The following TUT4 variants were observed in gnomAD, a reference collection of about 807,000 sequenced individuals.
TUT4 encodes the protein terminal uridylyl transferase 4.
TUT4 carries 36 observed loss-of-function variants against 192.2 expected under a neutral mutation model. The observed-to-expected ratio is 0.19, with a 90% CI of 0.14 to 0.25. The LOEUF (loss-of-function observed/expected upper bound fraction) is 0.25, where lower values mean the gene tolerates loss of function less well. Ranked by LOEUF, TUT4 falls within the 10% of genes least tolerant of loss-of-function variation. TUT4 has a pLI of 1.00. For missense variants in TUT4, 1,493 were observed against 1,957.2 expected (o/e 0.76, Z 4.47); for synonymous variants, 618 against 666.0 (o/e 0.93, Z 1.11).
chr1:52,516,149 A>T, intron 2 of TUT4, 95 bp from the exon 3 acceptor site: 1 of 976,326 alleles, frequency 1.0e-6, no homozygotes, highest in Non-Finnish European at 1.5e-6. Context: ...CACAGAAAAA[A>T]TATTATTTCC....
At chr1:52,427,291 G>A (rs1441776780) in intron 28 of TUT4, among the ~76,000 whole-genome samples, 2 of 152,056 alleles carry the variant, frequency 1.3e-5, no homozygotes, top group African/African-American at 4.8e-5. Context: ...CAAGCTTTGA[G>A]GCAGCACAGA....
chr1:52,516,093 G>A (rs373826205), intron 2 of TUT4, 39 bp from the exon 3 acceptor site: 101 of 1,511,260 alleles, frequency 6.7e-5, no homozygotes, highest in South Asian at 1.0e-4. Flanking sequence ...CATCAGAACT[G>A]GTAAATTTTT....
At chr1:52,458,289 C>T (rs1557711170) in intron 20 of TUT4, 47 bp downstream of exon 20, 3 of 1,420,716 alleles carry the variant, frequency 2.1e-6, no homozygotes, top group South Asian at 1.2e-5. Context: ...GTGTTTAGAT[C>T]TATTGTTTTC....
At chr1:52,547,658 G>A (rs574408924) in intron 1 of TUT4, among the ~76,000 whole-genome samples, 5 of 152,242 alleles carry the variant, frequency 3.3e-5, no homozygotes, top group Admixed American at 2.0e-4. Flanking sequence ...TAAACAAAAC[G>A]TGGTATCTCC....
chr1:52,515,914 C>G lies in TUT4; in HGVS notation c.859G>C (p.Asp287His), dbSNP rs1310140041. 1 of 1,613,574 alleles carries G rather than the reference C, an allele frequency of 6.2e-7. No individual in the cohort carries two copies. The highest frequency in any genetic ancestry group is 8.5e-7 in the Non-Finnish European group (1 of 1,179,946). The change falls in exon 3 of 30, where the codon GAT (aspartate) becomes CAT (histidine). Residue 287 changes from aspartate (D) to histidine (H), a missense_variant. Transcript: ENST00000257177. ...LKQAEERLER[D>H]HIFRLEKRSP... ...ACTTTTTCAAGTCGAAAGATGTGAT[C>G]TCTTTCTAAGCGTTCTTCTGCTTGT...
At chr1:52,516,176 A>C in intron 2 of TUT4, 122 bp from the exon 3 acceptor site, 2 of 829,294 alleles carry the variant, frequency 2.4e-6, no homozygotes, top group Non-Finnish European at 3.7e-6. Context: ...TTTCCTTAGG[A>C]AAGTATACAA....
chr1:52,476,184 T>A (rs934361338), intron 12 of TUT4, among the ~76,000 whole-genome samples: 2 of 151,976 alleles, frequency 1.3e-5, no homozygotes, highest in Non-Finnish European at 2.9e-5. Context: ...CTTTGCAATA[T>A]AAACAAGTAA....
intron 1 of TUT4, among the ~76,000 whole-genome samples, chr1:52,542,132 T>C (rs1363102617): frequency 6.6e-6 from 1 of 152,174 alleles, no homozygotes; most frequent in Non-Finnish European, 1.5e-5. Flanking sequence ...ACGCAGTACC[T>C]ACAGCAGTCA....
chr1:52,437,051 C>T, intron 25 of TUT4, 73 bp from the exon 26 acceptor site: 2 of 1,542,658 alleles, frequency 1.3e-6, no homozygotes, highest in Non-Finnish European at 1.7e-6. Flanking sequence ...AGGACTCTCA[C>T]AATAACAAAA....
intron 1 of TUT4, among the ~76,000 whole-genome samples, chr1:52,547,362 G>GT (rs923893331): frequency 2.0e-5 from 3 of 151,774 alleles, no homozygotes; most frequent in African/African-American, 7.3e-5. Context: ...GAGATAGTGG[G>GT]TGAAGTGTCA....
chr1:52,513,883 A>C (rs1168874236), intron 3 of TUT4, among the ~76,000 whole-genome samples: 1 of 152,244 alleles, frequency 6.6e-6, no homozygotes, highest in Non-Finnish European at 1.5e-5. Flanking sequence ...GACAATGGAC[A>C]AAATTATAAC....
Position 52,481,422 on chromosome 1 carries a change from C to T in TUT4, c.1848+1G>A, listed in dbSNP as rs1668456965. 6.2e-7 allele frequency: 1 copy of T among 1,613,302 alleles called. No individual in the cohort carries two copies. The highest frequency in any genetic ancestry group is 1.3e-5 in the African/African-American group (1 of 74,850). Reference sequence around the variant, plus strand: ...CAAAAAACAAAAACAAAAAGGCTTACTTTGCCATGTTTTTCCTTCATGGCA... The same window carrying T: ...CAAAAAACAAAAACAAAAAGGCTTATTTTGCCATGTTTTTCCTTCATGGCA... On this transcript the variant is annotated splice_donor_variant, in intron 11 of 29. Transcript: ENST00000257177. LOFTEE classifies it high-confidence loss of function.
Position 52,475,000 on chromosome 1 carries a change from C to T in TUT4, c.2559G>A (p.Arg853=). The T allele has an allele frequency of 1.2e-6, 2 of 1,614,160 alleles. No individual in the cohort carries two copies. The highest frequency in any genetic ancestry group is 1.6e-4 in the Middle Eastern group (1 of 6,062). The part of the protein sequence containing the change: ...DPDKSTGTDC[R]SNLETESSHQ... ...GTGAACTCTCTGTTTCTAAATTTGA[C>T]CTGCAGTCTGTTCCAGTAGATTTAT... The change falls in exon 13 of 30, where the codon AGG becomes AGA. Residue 853 remains arginine (R), a synonymous_variant. Transcript: ENST00000257177.
intron 28 of TUT4, among the ~76,000 whole-genome samples, chr1:52,426,779 A>G (rs977063734): frequency 2.6e-5 from 4 of 152,210 alleles, no homozygotes; most frequent in Non-Finnish European, 5.9e-5. Context: ...GGGTATTTTT[A>G]AAAGATATAT....
At chr1:52,492,159 A>C (rs927493804) in intron 7 of TUT4, among the ~76,000 whole-genome samples, 3 of 152,196 alleles carry the variant, frequency 2.0e-5, no homozygotes, top group Middle Eastern at 3.2e-3. Context: ...CGGCAATTAG[A>C]AACAAGTATT....
chr1:52,500,898 C>A (rs1673910379), intron 4 of TUT4, among the ~76,000 whole-genome samples: 1 of 152,144 alleles, frequency 6.6e-6, no homozygotes, highest in African/African-American at 2.4e-5. Context: ...GTACTCCAGC[C>A]TGGGCAACAA....
chr1:52,472,139 T>C lies in TUT4; in HGVS notation c.2728-37A>G, dbSNP rs76730177. The C allele has an allele frequency of 2.5e-3, 4,058 of 1,592,160 alleles. 77 individuals carry two copies. In the African/African-American group the frequency reaches 0.046, roughly 18 times the overall value. On this transcript the variant is annotated intron_variant, in intron 13 of 29. Coordinates refer to ENST00000257177, the MANE Select transcript of TUT4 (RefSeq NM_001009881.3). Reference sequence around the variant, plus strand: ...TAAAAAGAAATCTAATCTAATAAACTTTTGAGGGACTTCATCACTTAGGAA... The same window carrying C: ...TAAAAAGAAATCTAATCTAATAAACCTTTGAGGGACTTCATCACTTAGGAA...
At chr1:52,444,273 T>A (rs1656686477) in intron 24 of TUT4, among the ~76,000 whole-genome samples, 1 of 152,222 alleles carries the variant, frequency 6.6e-6, no homozygotes, top group Non-Finnish European at 1.5e-5. Context: ...CTTTTTTCAG[T>A]AATTTCGTTT....
chr1:52,429,734 A>C (rs1397445978), intron 28 of TUT4, among the ~76,000 whole-genome samples: 1 of 151,872 alleles, frequency 6.6e-6, no homozygotes, highest in South Asian at 2.1e-4. Flanking sequence ...CTGGGATTAC[A>C]GGCATGCATC....
Sources: allele counts gnomAD v4.1 joint callset (sites outside exome capture counted in the v4.1 genomes callset), GRCh38; gene constraint gnomAD v4.1.1; transcripts MANE v1.5; gene names NCBI Gene and HGNC (gene_info 2026-07-23, HGNC 2026-07-21).